INPP5A: variants seen among roughly 807,000 people sequenced by gnomAD.
The protein encoded by INPP5A is inositol polyphosphate-5-phosphatase A.
Under a neutral mutation model 65.2 loss-of-function variants are expected in INPP5A, and 14 were observed. That is an observed-to-expected ratio of 0.21 (90% CI 0.14 to 0.34). The LOEUF is 0.34. Among genes scored for constraint, INPP5A ranks in the 10% least tolerant of loss-of-function variants. INPP5A has a pLI of 1.00. For synonymous variants in INPP5A, 207 were observed against 208.3 expected, an observed-to-expected ratio of 0.99 and a Z score of 0.05; for missense variants, 431 against 545.6, an observed-to-expected ratio of 0.79 and a Z score of 2.09.
Position 132,609,782 on chromosome 10 carries a change from T to C in INPP5A, c.117+1826T>C, listed in dbSNP as rs111880954. 3.9e-3 allele frequency among the ~76,000 whole-genome samples: 592 copies of C among 152,164 alleles called. 3 individuals carry two copies. Among genetic ancestry groups the C allele is most frequent in the African/African-American group, 0.014 (565 of 41,506 alleles). On this transcript the variant is annotated intron_variant, in intron 2 of 15. Coordinates refer to ENST00000368594, the MANE Select transcript of INPP5A (RefSeq NM_005539.5). Reference sequence around the variant, plus strand: ...GCCTCAGCCTCCCAAATAGCTGGGATTACAGGCACCCGCCACCATGCCCGG... The same window carrying C: ...GCCTCAGCCTCCCAAATAGCTGGGACTACAGGCACCCGCCACCATGCCCGG...
intron 11 of INPP5A, among the ~76,000 whole-genome samples, chr10:132,752,199 C>T (rs1259078070): frequency 6.6e-6 from 1 of 151,668 alleles, no homozygotes; most frequent in African/African-American, 2.4e-5. Context: ...GGGTCCCTAG[C>T]AGAGCTGGCT....
intron 1 of INPP5A, among the ~76,000 whole-genome samples, chr10:132,574,952 G>T (rs1048012248): frequency 2.0e-5 from 3 of 152,134 alleles, no homozygotes; most frequent in African/African-American, 4.8e-5. Context: ...ACGGACTTCT[G>T]GTGGTAAGGA....
At chr10:132,729,300 C>T (rs1230098778) in intron 9 of INPP5A, among the ~76,000 whole-genome samples, 2 of 152,232 alleles carry the variant, frequency 1.3e-5, no homozygotes, top group Non-Finnish European at 2.9e-5. Flanking sequence ...TGGCCTGCTC[C>T]CCTGGCCTCC....
intron 2 of INPP5A, among the ~76,000 whole-genome samples, chr10:132,630,573 A>AGGAAGACGTCCATGAGG (rs71013539): frequency 0.85 from 108,952 of 127,462 alleles, 49,893 homozygotes; most frequent in East Asian, 0.95. Flanking sequence ...CATCCATGAG[A>AGGAAGACGTCCATGAGG]GGAAGACGTC....
At position 132,674,661 on chromosome 10, in the gene INPP5A, A is replaced by G. The variant is rs992199838; in HGVS notation, c.307-15731A>G. Reference sequence around the variant, plus strand: ...AATCAAGCCCAATCACATACATGCCACTTCCATTTGATGATGGAATGCTGC... The same window carrying G: ...AATCAAGCCCAATCACATACATGCCGCTTCCATTTGATGATGGAATGCTGC... On this transcript the variant is annotated intron_variant, in intron 4 of 15. Transcript: ENST00000368594. The surrounding 1 kb of genome is among the most constrained non-coding windows in gnomAD (Gnocchi z 4.4). 2.0e-5 allele frequency among the ~76,000 whole-genome samples: 3 copies of G among 152,186 alleles called. No individual in the cohort carries two copies. The highest frequency in any genetic ancestry group is 2.1e-4 in the South Asian group (1 of 4,828).
chr10:132,768,292 C>T (rs556066290), intron 12 of INPP5A, among the ~76,000 whole-genome samples: 154 of 151,622 alleles, frequency 1.0e-3, no homozygotes, highest in African/African-American at 3.5e-3. Flanking sequence ...TGGACCCCGA[C>T]CCTCAGCGTT....
chr10:132,750,108 C>T (rs374576607), intron 11 of INPP5A, among the ~76,000 whole-genome samples: 5 of 152,218 alleles, frequency 3.3e-5, no homozygotes, highest in Non-Finnish European at 7.3e-5. Flanking sequence ...GAGATCCCCC[C>T]GTGTGCGAGG....
intron 1 of INPP5A, among the ~76,000 whole-genome samples, chr10:132,605,916 G>A (rs920010672): frequency 6.6e-6 from 1 of 152,198 alleles, no homozygotes; most frequent in Non-Finnish European, 1.5e-5. Context: ...TCTTTGTTTA[G>A]AGCACCGTGT....
chr10:132,718,045 T>C (rs1845775886), intron 8 of INPP5A, among the ~76,000 whole-genome samples: 1 of 149,590 alleles, frequency 6.7e-6, no homozygotes, highest in Non-Finnish European at 1.5e-5. Flanking sequence ...CTTAGACGGC[T>C]GTCTTGCGGG....
intron 9 of INPP5A, among the ~76,000 whole-genome samples, chr10:132,749,032 C>T (rs1018320344): frequency 1.3e-5 from 2 of 152,372 alleles, no homozygotes; most frequent in East Asian, 3.9e-4. Context: ...ATCCCTCCCA[C>T]GTCAGCTTCA....
intron 11 of INPP5A, among the ~76,000 whole-genome samples, chr10:132,757,334 G>A (rs994809971): frequency 1.3e-5 from 2 of 152,224 alleles, no homozygotes; most frequent in African/African-American, 2.4e-5. Context: ...CTTCGCGAGC[G>A]GGGCTCCGCA....
intron 11 of INPP5A, among the ~76,000 whole-genome samples, chr10:132,758,974 C>G (rs1319880631): frequency 2.0e-5 from 3 of 152,256 alleles, no homozygotes; most frequent in Admixed American, 2.0e-4. Flanking sequence ...TCACGTTTCC[C>G]TGTCAATGCA....
chr10:132,688,866 TAG>T (rs1225110118), intron 4 of INPP5A, among the ~76,000 whole-genome samples: 1 of 150,080 alleles, frequency 6.7e-6, no homozygotes, highest in Non-Finnish European at 1.5e-5. Context: ...GTGCATGAGT[TAG>T]TGCATGAGTG....
At chr10:132,557,718 GGCCC>G (rs1159440913) in intron 1 of INPP5A, among the ~76,000 whole-genome samples, 3 of 152,186 alleles carry the variant, frequency 2.0e-5, no homozygotes, top group Non-Finnish European at 4.4e-5. Context: ...GGTTAAAAGG[GGCCC>G]GAGTGTCTCG....
chr10:132,709,577 G>A (rs576608907), intron 7 of INPP5A, among the ~76,000 whole-genome samples: 20 of 152,252 alleles, frequency 1.3e-4, no homozygotes, highest in South Asian at 6.2e-4. Flanking sequence ...ACCAGGCAGC[G>A]TCATCGGGGT....
chr10:132,708,133 A>G (rs1052124474), intron 6 of INPP5A, among the ~76,000 whole-genome samples, 180 bp from the exon 7 acceptor site: 2 of 152,196 alleles, frequency 1.3e-5, no homozygotes, highest in African/African-American at 4.8e-5. Flanking sequence ...TCTCTGTGCG[A>G]AGCCCCACTT....
chr10:132,571,256 G>A (rs921663009), intron 1 of INPP5A, among the ~76,000 whole-genome samples: 2 of 152,394 alleles, frequency 1.3e-5, no homozygotes, highest in African/African-American at 2.4e-5. Context: ...GCAAAGCAGC[G>A]AGGCCAGAGG....
rs1211064076 is a variant in INPP5A, at chr10:132,547,244, G to A, written c.75+9073G>A. ...CCCACCTTGCATGGTGGCTCAGGGT[G>A]GTCAGGGAGGGCGTGGCTGTCACAT... On this transcript the variant is annotated intron_variant, in intron 1 of 15. Coordinates refer to ENST00000368594, the MANE Select transcript of INPP5A (RefSeq NM_005539.5). This position sits in a 1 kb window ranked among gnomAD's most constrained non-coding sequence, Gnocchi z 5.5. Among the ~76,000 whole-genome samples, 4 of 152,246 alleles carry A rather than the reference G, an allele frequency of 2.6e-5. No homozygotes were observed. The highest frequency in any genetic ancestry group is 6.5e-5 in the Admixed American group (1 of 15,290).
At chr10:132,624,298 A>G (rs1338238344) in intron 2 of INPP5A, among the ~76,000 whole-genome samples, 2 of 152,196 alleles carry the variant, frequency 1.3e-5, no homozygotes, top group Non-Finnish European at 2.9e-5. Flanking sequence ...GGGCACAGAG[A>G]TGAGCGGTTC....
Sources: gnomAD v4.1 joint callset for allele counts (sites outside exome capture counted in the v4.1 genomes callset) on GRCh38, gnomAD v4.1.1 for gene constraint, Gnocchi (gnomAD v3.1) non-coding constraint, MANE v1.5 for transcripts, NCBI Gene and HGNC (gene_info 2026-07-23, HGNC 2026-07-21) for gene names.